Variants in GSG1L observed in about 807,000 individuals in gnomAD.
GSG1L encodes the protein germ cell-specific gene 1-like protein.
Under a neutral mutation model 42.1 loss-of-function variants are expected in GSG1L, and 24 were observed. The observed-to-expected ratio is 0.57, with a 90% confidence interval of 0.41 to 0.80. The LOEUF is 0.80. Ranked by LOEUF, GSG1L falls within the 30% of genes least tolerant of loss-of-function variation. The pLI, the probability that GSG1L is intolerant of heterozygous loss-of-function variation, is 0.00. For missense variants in GSG1L, 445 were observed against 472.2 expected (o/e 0.94, Z 0.53); for synonymous variants, 215 against 203.5 (o/e 1.06, Z -0.48).
chr16:27,803,804 G>GATAGATAGAT lies in GSG1L; in HGVS notation c.898+3682_898+3683insATCTATCTAT, dbSNP rs1555500734. ...ATATATATATATATATAGATAGATAGATATAGATATAGATATAGATATAGA... is the reference window on the plus strand; with the variant it reads ...ATATATATATATATATAGATAGATAGATAGATAGATATATAGATATAGATATAGATATAGA... On this transcript the variant is annotated intron_variant, in intron 6 of 6. Transcript: ENST00000447459. Among the ~76,000 whole-genome samples the GATAGATAGAT allele has an allele frequency of 5.8e-3, 708 of 122,356 alleles. 4 individuals carry two copies. Among genetic ancestry groups the GATAGATAGAT allele is most frequent in the African/African-American group, 0.02 (628 of 31,934 alleles). The allele number at this position is 122,356 out of a possible 152,430, so 80.3% of individuals were successfully genotyped here. A position where few individuals can be genotyped will look rare whatever the true frequency, so the allele number is the denominator to read the frequency against.
At chr16:27,953,957 G>A (rs1020271514) in intron 2 of GSG1L, among the ~76,000 whole-genome samples, 8 of 152,174 alleles carry the variant, frequency 5.3e-5, no homozygotes, top group Non-Finnish European at 1.2e-4. Flanking sequence ...AAAGAGTTGA[G>A]GATGACCTTC....
intron 2 of GSG1L, among the ~76,000 whole-genome samples, chr16:27,896,026 A>G (rs1473942361): frequency 6.6e-6 from 1 of 152,166 alleles, no homozygotes; most frequent in Non-Finnish European, 1.5e-5. Context: ...TGGAGAAAAT[A>G]TAGAATCTCT....
At chr16:27,828,766 G>A in intron 5 of GSG1L, 23 bp downstream of exon 5, 1 of 1,604,458 alleles carries the variant, frequency 6.2e-7, no homozygotes. Context: ...GTGGTGGCCA[G>A]AGGTAACCCC....
chr16:27,998,249 C>G (rs1212378420), intron 1 of GSG1L: 1 of 152,192 alleles, frequency 6.6e-6, no homozygotes, highest in African/African-American at 2.4e-5. Context: ...TAAGAACATA[C>G]AGAGTCTGGT....
intron 2 of GSG1L, among the ~76,000 whole-genome samples, chr16:27,927,377 C>T (rs776897741): frequency 2.0e-5 from 3 of 152,014 alleles, no homozygotes; most frequent in African/African-American, 4.8e-5. Context: ...GATATTTTGG[C>T]GATGAGAATC....
At chr16:27,819,002 C>CGTGATTTTGGG (rs1022319277) in intron 5 of GSG1L, among the ~76,000 whole-genome samples, 1 of 152,170 alleles carries the variant, frequency 6.6e-6, no homozygotes, top group African/African-American at 2.4e-5. Context: ...GTAATCCCAG[C>CGTGATTTTGGG]ACTTTGGGAG....
At chr16:28,008,137 T>C (rs539582768) in intron 1 of GSG1L, among the ~76,000 whole-genome samples, 2 of 152,264 alleles carry the variant, frequency 1.3e-5, no homozygotes, top group South Asian at 2.1e-4. Context: ...TGGAGTGCAG[T>C]GGCATGATCT....
chr16:27,853,692 GTGGC>G (rs2083541832), intron 3 of GSG1L, among the ~76,000 whole-genome samples: 1 of 152,206 alleles, frequency 6.6e-6, no homozygotes, highest in Non-Finnish European at 1.5e-5. Flanking sequence ...CAAATCGGAG[GTGGC>G]ACTTCATGGA....
At chr16:27,845,633 CTT>C (rs1234371615) in intron 3 of GSG1L, among the ~76,000 whole-genome samples, 2 of 152,160 alleles carry the variant, frequency 1.3e-5, no homozygotes, top group Non-Finnish European at 2.9e-5. Context: ...ACTTTCCACT[CTT>C]TTAAGACAGA....
intron 1 of GSG1L, among the ~76,000 whole-genome samples, chr16:27,967,570 A>G (rs2141112668): frequency 6.6e-6 from 1 of 152,300 alleles, no homozygotes; most frequent in South Asian, 2.1e-4. Flanking sequence ...AGAGGTGCTG[A>G]TATTTTAGCC....
At chr16:28,015,983 T>C (rs1440997610) in intron 1 of GSG1L, among the ~76,000 whole-genome samples, 1 of 152,162 alleles carries the variant, frequency 6.6e-6, no homozygotes, top group African/African-American at 2.4e-5. Flanking sequence ...ACACTTTCAA[T>C]CACAGTTTTT....
intron 3 of GSG1L, among the ~76,000 whole-genome samples, chr16:27,871,978 A>G (rs887005177): frequency 6.6e-6 from 1 of 152,246 alleles, no homozygotes; most frequent in Non-Finnish European, 1.5e-5. Context: ...GTTACTAAAA[A>G]TCATTGAATT....
Position 27,923,658 on chromosome 16 carries a change from C to T in GSG1L, c.398-39020G>A, listed in dbSNP as rs919853021. Among the ~76,000 whole-genome samples the T allele has an allele frequency of 3.3e-5, 5 of 150,092 alleles. No homozygotes were observed. The South Asian group carries it at 1.0e-3, about 32-fold the overall frequency. On this transcript the variant is annotated intron_variant, in intron 2 of 6. Transcript: ENST00000447459. The stretch of plus-strand genomic sequence containing the variant: ...TTGGGAGGCTGAGGCAGGAGAATCA[C>T]TTGAACCCAGGAGGTGGAGGTTGCA...
intron 1 of GSG1L, among the ~76,000 whole-genome samples, chr16:27,989,065 AAAGAAAAG>A (rs1372573236): frequency 6.6e-6 from 1 of 151,322 alleles, no homozygotes; most frequent in African/African-American, 2.4e-5. Flanking sequence ...AAAAAAAAAA[AAAGAAAAG>A]AAAAAAAGAA....
intron 6 of GSG1L, 60 bp downstream of exon 6, chr16:27,807,427 C>T (rs761434979): frequency 7.0e-7 from 1 of 1,429,662 alleles, no homozygotes. Context: ...TCCAGGGATT[C>T]TTTCTCCTCT....
chr16:27,899,801 T>A (rs900784675), intron 2 of GSG1L, among the ~76,000 whole-genome samples: 4 of 152,158 alleles, frequency 2.6e-5, no homozygotes, highest in Non-Finnish European at 5.9e-5. Flanking sequence ...ATGCTAGCTG[T>A]CCCCATTTTA....
chr16:27,956,012 C>G (rs1426010153), intron 2 of GSG1L, among the ~76,000 whole-genome samples: 1 of 152,028 alleles, frequency 6.6e-6, no homozygotes, highest in African/African-American at 2.4e-5. Context: ...TTATAATTAG[C>G]CAGTTGTCTT....
intron 1 of GSG1L, among the ~76,000 whole-genome samples, chr16:27,967,800 C>T (rs1172595243): frequency 6.6e-6 from 1 of 152,186 alleles, no homozygotes; most frequent in Non-Finnish European, 1.5e-5. Flanking sequence ...GTAATCCCAG[C>T]TACTTGGGAG....
intron 1 of GSG1L, among the ~76,000 whole-genome samples, chr16:28,026,557 G>A (rs535128681): frequency 1.3e-5 from 2 of 152,210 alleles, no homozygotes; most frequent in South Asian, 2.1e-4. Flanking sequence ...CATTCTTGTC[G>A]CATGAGGGAA....
Sources: allele counts gnomAD v4.1 joint callset (sites outside exome capture counted in the v4.1 genomes callset), GRCh38; gene constraint gnomAD v4.1.1; transcripts MANE v1.5; gene names NCBI Gene and HGNC (gene_info 2026-07-23, HGNC 2026-07-21).